SFSWAP: variants seen among roughly 807,000 people sequenced by gnomAD.
SFSWAP encodes the protein splicing factor SWAP.
In SFSWAP, 17 loss-of-function variants were observed where a neutral mutation model predicts 100.7. The ratio of observed to expected loss-of-function variants is 0.17; its 90% CI spans 0.12 to 0.25. The LOEUF (loss-of-function observed/expected upper bound fraction) is 0.25. Ranked by LOEUF, SFSWAP falls within the 10% of genes least tolerant of loss-of-function variation. The probability of loss-of-function intolerance (pLI) is 1.00; values close to 1 mark genes in which losing one functional copy is unlikely to be tolerated. For missense variants in SFSWAP, 1,005 were observed against 1,262.6 expected, an observed-to-expected ratio of 0.80 and a Z score of 3.09; for synonymous variants, 504 against 510.1, an observed-to-expected ratio of 0.99 and a Z score of 0.16.
intron 13 of SFSWAP, among the ~76,000 whole-genome samples, chr12:131,771,013 A>T (rs1883547837): frequency 6.6e-6 from 1 of 151,356 alleles, no homozygotes; most frequent in Admixed American, 6.6e-5. Flanking sequence ...GCCGCATTGG[A>T]CCCCCTTCCT....
intron 1 of SFSWAP, chr12:131,712,184 G>A (rs1877427377): frequency 6.6e-6 from 1 of 152,190 alleles, no homozygotes; most frequent in African/African-American, 2.4e-5. Flanking sequence ...GGTGGAGCTG[G>A]GATATAGATG....
intron 11 of SFSWAP, 115 bp from the exon 12 acceptor site, chr12:131,764,341 A>T: frequency 2.6e-6 from 2 of 764,966 alleles, no homozygotes; most frequent in Non-Finnish European, 4.4e-6. Context: ...CCTGCATATG[A>T]TGTGGCTCCA....
chr12:131,797,510 G>A (rs1205912240), intron 16 of SFSWAP, 150 bp downstream of exon 16: 9 of 696,292 alleles, frequency 1.3e-5, no homozygotes, highest in Non-Finnish European at 2.1e-5. Context: ...CCTCTAGCAA[G>A]GAAGTCGCCC....
At chr12:131,729,579 G>C (rs1361136631) in intron 7 of SFSWAP, among the ~76,000 whole-genome samples, 1 of 152,210 alleles carries the variant, frequency 6.6e-6, no homozygotes, top group African/African-American at 2.4e-5. Context: ...TTTTCTCGCT[G>C]ATTGCAGTTC....
At chr12:131,748,955 C>G (rs1881378233) in intron 7 of SFSWAP, among the ~76,000 whole-genome samples, 1 of 152,180 alleles carries the variant, frequency 6.6e-6, no homozygotes, top group African/African-American at 2.4e-5. Context: ...AATATAAAAT[C>G]CTAAGAACAG....
chr12:131,744,093 C>A (rs537745093), intron 7 of SFSWAP, among the ~76,000 whole-genome samples: 1 of 152,202 alleles, frequency 6.6e-6, no homozygotes, highest in Non-Finnish European at 1.5e-5. Flanking sequence ...TCCTAGGCCT[C>A]CAGGCCTGTG....
At position 131,733,021 on chromosome 12, in the gene SFSWAP, A is replaced by G. The variant is rs967837642; in HGVS notation, c.1081+4593A>G. Among the ~76,000 whole-genome samples, 2 of 152,312 alleles carry G rather than the reference A, an allele frequency of 1.3e-5. No individual in the cohort carries two copies. Among genetic ancestry groups the G allele is most frequent in the Admixed American group, 1.3e-4 (2 of 15,298 alleles). On this transcript the variant is annotated intron_variant, in intron 7 of 17. Transcript: ENST00000261674. The surrounding 1 kb of genome is among the most constrained non-coding windows in gnomAD (Gnocchi z 5.1). ...CTTTTCCTGAGGACAGAGGAGTTGC[A>G]TGTGAGGGAGGAGGCGTGATTTAAA...
chr12:131,760,940 C>T (rs372838816), intron 11 of SFSWAP, among the ~76,000 whole-genome samples: 25 of 152,260 alleles, frequency 1.6e-4, no homozygotes, highest in African/African-American at 4.6e-4. Flanking sequence ...GGTGTGATGG[C>T]GGGCACCTGT....
rs1411666820 is a variant in SFSWAP, at chr12:131,750,930, T to G, written c.1082-2193T>G. Among the ~76,000 whole-genome samples the G allele has an allele frequency of 3.9e-5, 6 of 152,216 alleles. No individual in the cohort carries two copies. In the East Asian group the frequency reaches 1.2e-3, roughly 29 times the overall value. On this transcript the variant is annotated intron_variant, in intron 7 of 17. Transcript: ENST00000261674. ...CCTGAAGCATCCTCCCACCTCAGCC[T>G]ACCAAAGTGCTGGGATTATAGGTGT...
chr12:131,759,669 C>T (rs1215374450), intron 11 of SFSWAP, among the ~76,000 whole-genome samples: 5 of 151,852 alleles, frequency 3.3e-5, no homozygotes, highest in African/African-American at 4.8e-5. Flanking sequence ...GGCGTGGTGG[C>T]GGGCGCCTGT....
chr12:131,778,404 A>C lies in SFSWAP; in HGVS notation c.2408+74A>C. Reference sequence around the variant, plus strand: ...CCTTCACAGGACACCCAGTAGAGCTAGGTAGAACGTTTAAAATCAGTGCCG... The same window carrying C: ...CCTTCACAGGACACCCAGTAGAGCTCGGTAGAACGTTTAAAATCAGTGCCG... On this transcript the variant is annotated intron_variant, in intron 14 of 17. Transcript: ENST00000261674. The surrounding 1 kb of genome is among the most constrained non-coding windows in gnomAD (Gnocchi z 4.2). The C allele has an allele frequency of 6.5e-7, 1 of 1,547,872 alleles. No individual in the cohort carries two copies. The highest frequency in any genetic ancestry group is 1.4e-5 in the African/African-American group (1 of 72,258).
intron 7 of SFSWAP, among the ~76,000 whole-genome samples, chr12:131,744,381 A>G (rs1880928672): frequency 2.0e-5 from 3 of 152,176 alleles, no homozygotes; most frequent in Admixed American, 1.3e-4. Context: ...ACCCTAAATC[A>G]TCTCTCTCAA....
chr12:131,792,705 C>A (rs962675640), intron 15 of SFSWAP, among the ~76,000 whole-genome samples: 1 of 152,262 alleles, frequency 6.6e-6, no homozygotes, highest in Non-Finnish European at 1.5e-5. Flanking sequence ...CAGACCAGGA[C>A]TCTCAAGAAC....
chr12:131,727,076 T>G (rs562964746), intron 6 of SFSWAP, 24 bp downstream of exon 6: 1 of 1,345,884 alleles, frequency 7.4e-7, no homozygotes, highest in South Asian at 1.2e-5. Flanking sequence ...TGTTGAACTA[T>G]ATTTTTATGC....
chr12:131,752,478 C>T (rs563167696), intron 7 of SFSWAP, among the ~76,000 whole-genome samples: 4 of 152,196 alleles, frequency 2.6e-5, no homozygotes, highest in East Asian at 3.8e-4. Context: ...GGTGGCAAGA[C>T]GGCATACATC....
chr12:131,773,517 T>C (rs1288830416), intron 13 of SFSWAP, among the ~76,000 whole-genome samples: 1 of 152,124 alleles, frequency 6.6e-6, no homozygotes, highest in Non-Finnish European at 1.5e-5. Context: ...AATTTTTTTG[T>C]ATTTTTGGTA....
chr12:131,775,969 G>A (rs529105455), intron 13 of SFSWAP, among the ~76,000 whole-genome samples: 2 of 151,774 alleles, frequency 1.3e-5, no homozygotes, highest in African/African-American at 2.4e-5. Context: ...GAGCATGATG[G>A]CACATGCCTG....
intron 16 of SFSWAP, 69 bp downstream of exon 16, chr12:131,797,429 C>A: frequency 1.5e-6 from 2 of 1,375,452 alleles, no homozygotes; most frequent in Non-Finnish European, 2.0e-6. Context: ...TCTCCCTCCT[C>A]CCTGAGTCCT....
chr12:131,712,092 C>G (rs1877416837), intron 1 of SFSWAP: 1 of 152,712 alleles, frequency 6.5e-6, no homozygotes, highest in African/African-American at 2.4e-5. Context: ...TTGGTGGCCA[C>G]TTGACTTCGT....
Sources: allele counts gnomAD v4.1 joint callset (sites outside exome capture counted in the v4.1 genomes callset), GRCh38; gene constraint gnomAD v4.1.1; non-coding constraint Gnocchi (gnomAD v3.1); transcripts MANE v1.5; gene names NCBI Gene and HGNC (gene_info 2026-07-23, HGNC 2026-07-21).